The following EPHA3 variants were observed in gnomAD, a reference collection of about 807,000 sequenced individuals.
EPHA3 encodes the protein ephrin type-A receptor 3.
Under a neutral mutation model 107.1 loss-of-function variants are expected in EPHA3, and 42 were observed. That is an observed-to-expected ratio of 0.39 (90% CI 0.31 to 0.51). The LOEUF (loss-of-function observed/expected upper bound fraction) is 0.51, where lower values mean the gene tolerates loss of function less well. EPHA3 is among the 20% of genes least tolerant of loss of function. The pLI, the probability that EPHA3 is intolerant of heterozygous loss-of-function variation, is 0.78. For missense variants in EPHA3, 1,183 were observed against 1,211.2 expected (o/e 0.98, Z 0.35); for synonymous variants, 461 against 424.8 (o/e 1.09, Z -1.05).
At chr3:89,319,476 G>A (rs1254635247) in intron 3 of EPHA3, among the ~76,000 whole-genome samples, 1 of 151,960 alleles carries the variant, frequency 6.6e-6, no homozygotes, top group Non-Finnish European at 1.5e-5. Context: ...GCCCCGAAGA[G>A]AGCTAATGAC....
chr3:89,407,297 A>T lies in EPHA3; in HGVS notation c.1623A>T (p.Gln541His), dbSNP rs149643424. 12 of 1,613,390 alleles carry T rather than the reference A, an allele frequency of 7.4e-6. No homozygotes were observed. The highest frequency in any genetic ancestry group is 9.3e-6 in the Non-Finnish European group (11 of 1,179,622). ...TCTCCATCTCTGGTGAAAGTAGCCA[A>T]GTGGTCATGATCGCCATTTCAGCGG... is the stretch of plus-strand genomic sequence containing the variant. ...DSFSISGESS[Q>H]VVMIAISAAV... Residue 541 changes from glutamine (Q) to histidine (H), a missense_variant, in exon 8 of 17, where the codon CAA (glutamine) becomes CAT (histidine). By Grantham distance (24) the Gln-to-His change is conservative. Transcript: ENST00000336596.
At chr3:89,423,293 A>AAAAGCT (rs1301880180) in intron 11 of EPHA3, among the ~76,000 whole-genome samples, 47 of 151,558 alleles carry the variant, frequency 3.1e-4, no homozygotes, top group African/African-American at 1.1e-3. Context: ...TGGCATGAGT[A>AAAAGCT]TCCACTTTCA....
chr3:89,350,795 G>T (rs1021049067), intron 5 of EPHA3, among the ~76,000 whole-genome samples: 1 of 151,006 alleles, frequency 6.6e-6, no homozygotes, highest in Non-Finnish European at 1.5e-5. Context: ...ATGGGTTTTT[G>T]GTGTGGATGT....
chr3:89,385,900 T>A (rs944607462), intron 5 of EPHA3, among the ~76,000 whole-genome samples: 6 of 152,202 alleles, frequency 3.9e-5, no homozygotes, highest in African/African-American at 1.2e-4. Context: ...TAAACAATGA[T>A]GACCAGGCTG....
chr3:89,307,610 T>G (rs1576302315), intron 3 of EPHA3, among the ~76,000 whole-genome samples: 1 of 152,278 alleles, frequency 6.6e-6, no homozygotes, highest in East Asian at 1.9e-4. Context: ...CTGCTCAGGC[T>G]GAAGTGCAGT....
At chr3:89,110,714 G>C (rs1339485636) in intron 1 of EPHA3, among the ~76,000 whole-genome samples, 1 of 151,890 alleles carries the variant, frequency 6.6e-6, no homozygotes. Flanking sequence ...GCTACACTAC[G>C]TATTATTTTA....
At chr3:89,150,354 A>G (rs541792283) in intron 2 of EPHA3, among the ~76,000 whole-genome samples, 15 of 152,172 alleles carry the variant, frequency 9.9e-5, no homozygotes, top group African/African-American at 3.6e-4. Flanking sequence ...TTTGATACAT[A>G]TTCCCAAGAT....
chr3:89,208,640 G>T (rs1168862860), intron 2 of EPHA3, among the ~76,000 whole-genome samples: 2 of 151,912 alleles, frequency 1.3e-5, no homozygotes, highest in East Asian at 3.9e-4. Context: ...GATTCCACAA[G>T]TTCCACAAGA....
intron 2 of EPHA3, among the ~76,000 whole-genome samples, chr3:89,173,418 C>T (rs528126033): frequency 5.9e-5 from 9 of 151,946 alleles, no homozygotes; most frequent in Non-Finnish European, 1.3e-4. Context: ...GATAAGTCAC[C>T]TCTCAAATCC....
intron 3 of EPHA3, among the ~76,000 whole-genome samples, chr3:89,227,205 C>CT (rs1317235724): frequency 6.6e-6 from 1 of 151,918 alleles, no homozygotes; most frequent in Non-Finnish European, 1.5e-5. Context: ...ATTTTTTCCT[C>CT]TTTTTCTGCA....
At chr3:89,176,672 A>G (rs1705326842) in intron 2 of EPHA3, among the ~76,000 whole-genome samples, 1 of 152,154 alleles carries the variant, frequency 6.6e-6, no homozygotes. Context: ...ACACATATTA[A>G]CAGTCTTAAA....
At chr3:89,225,202 T>G (rs950622367) in intron 3 of EPHA3, among the ~76,000 whole-genome samples, 4 of 152,150 alleles carry the variant, frequency 2.6e-5, no homozygotes, top group Non-Finnish European at 5.9e-5. Flanking sequence ...TGGCTATGAT[T>G]ATGTGCTACT....
chr3:89,419,065 T>C, intron 10 of EPHA3, 140 bp from the exon 11 acceptor site: 1 of 696,278 alleles, frequency 1.4e-6, no homozygotes, highest in Non-Finnish European at 2.2e-6. Flanking sequence ...CAAAATAATT[T>C]GGAGTACTAG....
At chr3:89,202,522 A>C (rs1394256803) in intron 2 of EPHA3, among the ~76,000 whole-genome samples, 2 of 85,800 alleles carry the variant, frequency 2.3e-5, no homozygotes, top group East Asian at 3.2e-4. Flanking sequence ...TCTCAAAAAA[A>C]AAAAAAAAAA....
chr3:89,457,459 A>G (rs1279154870), intron 15 of EPHA3, among the ~76,000 whole-genome samples: 1 of 152,142 alleles, frequency 6.6e-6, no homozygotes, highest in Non-Finnish European at 1.5e-5. Context: ...TGAACCGCAC[A>G]CACGAGGAGT....
intron 2 of EPHA3, among the ~76,000 whole-genome samples, chr3:89,161,328 CCTCT>C (rs1240476287): frequency 6.6e-6 from 1 of 152,116 alleles, no homozygotes; most frequent in Non-Finnish European, 1.5e-5. Flanking sequence ...CATTGTTTCT[CCTCT>C]CTCAAAGCCA....
chr3:89,271,261 G>C (rs1576280043), intron 3 of EPHA3, among the ~76,000 whole-genome samples: 1 of 151,892 alleles, frequency 6.6e-6, no homozygotes, highest in Non-Finnish European at 1.5e-5. Flanking sequence ...CACAAGAAAA[G>C]CCGAAAAAAA....
intron 3 of EPHA3, among the ~76,000 whole-genome samples, chr3:89,274,045 A>C (rs1705746005): frequency 6.6e-6 from 1 of 151,956 alleles, no homozygotes; most frequent in African/African-American, 2.4e-5. Context: ...AGCTGAGAAC[A>C]TGCATGTCAG....
chr3:89,283,088 G>A (rs1473843631), intron 3 of EPHA3, among the ~76,000 whole-genome samples: 1 of 152,122 alleles, frequency 6.6e-6, no homozygotes, highest in Non-Finnish European at 1.5e-5. Flanking sequence ...ACTCTTGGAA[G>A]TGCAGGTTTA....
Sources: gnomAD v4.1 joint callset for allele counts (sites outside exome capture counted in the v4.1 genomes callset) on GRCh38, gnomAD v4.1.1 for gene constraint, MANE v1.5 for transcripts, NCBI Gene and HGNC (gene_info 2026-07-23, HGNC 2026-07-21) for gene names.